The following DCPS variants were observed in gnomAD, a reference collection of about 807,000 sequenced individuals.
The protein encoded by DCPS is m7GpppX diphosphatase.
Under a neutral mutation model 34.7 loss-of-function variants are expected in DCPS, and 27 were observed. That is an observed-to-expected ratio of 0.78 (90% CI 0.57 to 1.07). The LOEUF is 1.07. Ranked by LOEUF, DCPS falls within the 50% of genes least tolerant of loss-of-function variation. The pLI, the probability that DCPS is intolerant of heterozygous loss-of-function variation, is 0.00. For synonymous variants in DCPS, 185 were observed against 185.7 expected (o/e 1.00, Z 0.03); for missense variants, 464 against 436.9 (o/e 1.06, Z -0.55).
chr11:126,347,249 A>C lies in DCPS; in HGVS notation c.*1636A>C, dbSNP rs1168738298. Among the ~76,000 whole-genome samples, 1 of 137,868 alleles carries C rather than the reference A, an allele frequency of 7.3e-6. No homozygotes were observed. The highest frequency in any genetic ancestry group is 2.7e-5 in the African/African-American group (1 of 36,890). 90.4% of individuals were successfully genotyped at this position (137,868 alleles called of 152,430 possible). ...TTTTTTTTTTTTTTTTTTTTGAGAC[A>C]ATCTCGCTCCATCACCCAGGCTGGA... On this transcript the variant is annotated 3_prime_UTR_variant, in exon 6 of 6. Coordinates refer to ENST00000263579, the MANE Select transcript of DCPS (RefSeq NM_014026.6). The surrounding 1 kb of genome is among the most constrained non-coding windows in gnomAD (Gnocchi z 4.2).
At chr11:126,324,493 C>T (rs772428360) in intron 2 of DCPS, among the ~76,000 whole-genome samples, 17 of 151,788 alleles carry the variant, frequency 1.1e-4, no homozygotes, top group Non-Finnish European at 2.2e-4. Flanking sequence ...CTCACTCTGT[C>T]CCCTAGGCTG....
chr11:126,328,053 G>A lies in DCPS; in HGVS notation c.377-3352G>A, dbSNP rs975218649. 3.9e-5 allele frequency among the ~76,000 whole-genome samples: 6 copies of A among 152,234 alleles called. No homozygotes were observed. Among genetic ancestry groups the A allele is most frequent in the South Asian group, 2.1e-4 (1 of 4,838 alleles). The stretch of plus-strand genomic sequence containing the variant: ...GATGAAGCGAGGAGCAGCGTGGCTC[G>A]TTGGGTAGGAGGGTCAGCTCGGCCG... On this transcript the variant is annotated intron_variant, in intron 2 of 5. Transcript: ENST00000263579. This position sits in a 1 kb window ranked among gnomAD's most constrained non-coding sequence, Gnocchi z 6.6.
At chr11:126,307,147 A>G (rs988125989) in intron 2 of DCPS, among the ~76,000 whole-genome samples, 14 of 151,964 alleles carry the variant, frequency 9.2e-5, no homozygotes, top group Admixed American at 2.6e-4. Flanking sequence ...CTCTCGGCCA[A>G]CATGGTGAAA....
chr11:126,338,844 C>T lies in DCPS; in HGVS notation c.636+445C>T, dbSNP rs1341071428. ...TGGTGACCAACCCAAGGCATCTCCT[C>T]CTCAGCCCGAGCTGTGGAGTAGCTT... On this transcript the variant is annotated intron_variant, in intron 4 of 5. Coordinates refer to ENST00000263579, the MANE Select transcript of DCPS (RefSeq NM_014026.6). The surrounding 1 kb of genome is among the most constrained non-coding windows in gnomAD (Gnocchi z 5.4). Among the ~76,000 whole-genome samples the T allele has an allele frequency of 2.0e-5, 3 of 152,210 alleles. No individual in the cohort carries two copies. Among genetic ancestry groups the T allele is most frequent in the African/African-American group, 7.2e-5 (3 of 41,452 alleles).
rs2135340068 is a variant in DCPS, at chr11:126,345,420, A to G, written c.821A>G (p.Tyr274Cys). 1 of 1,614,100 alleles carries G rather than the reference A, an allele frequency of 6.2e-7. No individual in the cohort carries two copies. The highest frequency in any genetic ancestry group is 2.2e-5 in the East Asian group (1 of 44,886). Residue 274 changes from tyrosine (Y) to cysteine (C), a missense_variant, in exon 6 of 6, where the codon TAC becomes TGC. By Grantham distance (194) the Tyr-to-Cys change is radical. Transcript: ENST00000263579. This position sits in a 1 kb window ranked among gnomAD's most constrained non-coding sequence, Gnocchi z 7.4. ...TACCTGCACTACCTGCCCTCCTACT[A>G]CCACCTGCATGTGCACTTCACCGCC... ...RVYLHYLPSY[Y>C]HLHVHFTALG...
chr11:126,318,504 A>T (rs1399165074), intron 2 of DCPS, among the ~76,000 whole-genome samples: 1 of 152,200 alleles, frequency 6.6e-6, no homozygotes, highest in Non-Finnish European at 1.5e-5. Context: ...AGAGGAGGAA[A>T]GAGAAAGCAG....
rs1381791046 is a variant in DCPS, at chr11:126,336,605, G to A, written c.523-1681G>A. ...GTGAATCAGGGACTGGCCGTGGGGA[G>A]GCCTGCTTATGGGGTGCGTTGGGGC... On this transcript the variant is annotated intron_variant, in intron 3 of 5. Coordinates refer to ENST00000263579, the MANE Select transcript of DCPS (RefSeq NM_014026.6). The surrounding 1 kb of genome is among the most constrained non-coding windows in gnomAD (Gnocchi z 6.3). 2 of 152,302 alleles carry A rather than the reference G, an allele frequency of 1.3e-5. No individual in the cohort carries two copies. The highest frequency in any genetic ancestry group is 2.9e-5 in the Non-Finnish European group (2 of 68,114). The allele number at this position is 152,302 out of a possible 1,614,324, so 9.4% of individuals were successfully genotyped here. A position where few individuals can be genotyped will look rare whatever the true frequency, so the allele number is the denominator to read the frequency against.
Position 126,319,283 on chromosome 11 carries a change from C to T in DCPS, c.377-12122C>T, listed in dbSNP as rs144286678. On this transcript the variant is annotated intron_variant, in intron 2 of 5. Transcript: ENST00000263579. The surrounding 1 kb of genome is among the most constrained non-coding windows in gnomAD (Gnocchi z 4.5). ...ACTTCCCCCTTCATGCCTCCCACCC[C>T]ATAATCTAACACTGCTATACTTGGT... Among the ~76,000 whole-genome samples, 4 of 152,254 alleles carry T rather than the reference C, an allele frequency of 2.6e-5. No homozygotes were observed. Among genetic ancestry groups the T allele is most frequent in the Admixed American group, 6.5e-5 (1 of 15,290 alleles).
In DCPS at chr11:126,338,440, C is replaced by T; in HGVS notation, c.636+41C>T. On this transcript the variant is annotated intron_variant, in intron 4 of 5. Coordinates refer to ENST00000263579, the MANE Select transcript of DCPS (RefSeq NM_014026.6). This position sits in a 1 kb window ranked among gnomAD's most constrained non-coding sequence, Gnocchi z 5.4. ...TGGAATGTCCTGATCTCTGGCCACC[C>T]TGCTGTAAGTGCTGGTCCTTCTGAC... 1 of 1,565,612 alleles carries T rather than the reference C, an allele frequency of 6.4e-7. No individual in the cohort carries two copies. Among genetic ancestry groups the T allele is most frequent in the Non-Finnish European group, 8.8e-7 (1 of 1,135,942 alleles).
In DCPS at chr11:126,332,140, G is replaced by T. The variant is rs992466691; in HGVS notation, c.522+590G>T. On this transcript the variant is annotated intron_variant, in intron 3 of 5. Coordinates refer to ENST00000263579, the MANE Select transcript of DCPS (RefSeq NM_014026.6). This position sits in a 1 kb window ranked among gnomAD's most constrained non-coding sequence, Gnocchi z 5.4. ...CGGCAAACCGGCCTGCAGGATCTCAGTCTCAGAGGAAAAACTCTTCCCTCA... is the reference window on the plus strand; with the variant it reads ...CGGCAAACCGGCCTGCAGGATCTCATTCTCAGAGGAAAAACTCTTCCCTCA... 6.6e-6 allele frequency among the ~76,000 whole-genome samples: 1 copy of T among 152,202 alleles called. No homozygotes were observed. Among genetic ancestry groups the T allele is most frequent in the African/African-American group, 2.4e-5 (1 of 41,454 alleles).
intron 2 of DCPS, among the ~76,000 whole-genome samples, chr11:126,318,636 C>T (rs941706877): frequency 5.3e-5 from 8 of 152,176 alleles, no homozygotes; most frequent in African/African-American, 7.2e-5. Context: ...GAGGACATGG[C>T]GGGTGGGCTT....
At position 126,328,460 on chromosome 11, in the gene DCPS, TGA is replaced by T. The variant is rs1187996604; in HGVS notation, c.377-2943_377-2942del. On this transcript the variant is annotated intron_variant, in intron 2 of 5. Transcript: ENST00000263579. This position sits in a 1 kb window ranked among gnomAD's most constrained non-coding sequence, Gnocchi z 6.6. ...GGAAAGGCAGGAGGATGGCAGGAAG[TGA>T]GCAGTTGGAAAATAAGCACCTGTGG... Among the ~76,000 whole-genome samples the T allele has an allele frequency of 6.6e-6, 1 of 151,922 alleles. No homozygotes were observed. The highest frequency in any genetic ancestry group is 1.5e-5 in the Non-Finnish European group (1 of 67,964).
At chr11:126,339,823 T>A (rs1033904500) in intron 4 of DCPS, among the ~76,000 whole-genome samples, 3 of 152,178 alleles carry the variant, frequency 2.0e-5, no homozygotes, top group Non-Finnish European at 2.9e-5. Context: ...GAGTGGTGGC[T>A]CTGCAAACCC....
chr11:126,341,299 C>T (rs1441583865), intron 4 of DCPS: 1 of 152,246 alleles, frequency 6.6e-6, no homozygotes, highest in African/African-American at 2.4e-5. Flanking sequence ...TATCTGTCTT[C>T]CCAGAGTGAC....
rs1325787861 is a variant in DCPS at position 126,346,399 on chromosome 11, C to T, written c.*786C>T. ...TATGGTTGCAGTTGAATACAAAAGCCCGGAGGCGGCTCGGGTTCAAGGCCT... is the reference window on the plus strand; with the variant it reads ...TATGGTTGCAGTTGAATACAAAAGCTCGGAGGCGGCTCGGGTTCAAGGCCT... On this transcript the variant is annotated 3_prime_UTR_variant, in exon 6 of 6. Transcript: ENST00000263579. The surrounding 1 kb of genome is among the most constrained non-coding windows in gnomAD (Gnocchi z 4.1). Among the ~76,000 whole-genome samples, 3 of 152,172 alleles carry T rather than the reference C, an allele frequency of 2.0e-5. No homozygotes were observed. Among genetic ancestry groups the T allele is most frequent in the African/African-American group, 7.2e-5 (3 of 41,448 alleles).
rs1465022631 is a variant in DCPS at position 126,332,025 on chromosome 11, CTG to C, written c.522+478_522+479del. 6.6e-6 allele frequency among the ~76,000 whole-genome samples: 1 copy of C among 152,182 alleles called. No individual in the cohort carries two copies. The highest frequency in any genetic ancestry group is 2.4e-5 in the African/African-American group (1 of 41,430). Reference sequence around the variant, plus strand: ...TAGCCTTGATCCAGCCTCGGGATGACTGTGCCATTGCTTTGGGTCCATGAATG... The same window carrying C: ...TAGCCTTGATCCAGCCTCGGGATGACTGCCATTGCTTTGGGTCCATGAATG... On this transcript the variant is annotated intron_variant, in intron 3 of 5. Transcript: ENST00000263579. The surrounding 1 kb of genome is among the most constrained non-coding windows in gnomAD (Gnocchi z 5.4).
Position 126,345,488 on chromosome 11 carries a change from C to CAGCCAGCG in DCPS, c.889_890insAGCCAGCG (p.Leu297GlnfsTer8). 2 of 1,614,170 alleles carry CAGCCAGCG rather than the reference C, an allele frequency of 1.2e-6. No homozygotes were observed. The highest frequency in any genetic ancestry group is 1.7e-6 in the Non-Finnish European group (2 of 1,180,032). ...CGGCTCAGGCGTGGAGCGGGCCCAC[C>CAGCCAGCG]TGCTGGCTGAGGTGATCGAGAACTT... is the stretch of plus-strand genomic sequence containing the variant. On this transcript the variant is annotated frameshift_variant, in exon 6 of 6. Transcript: ENST00000263579. LOFTEE classifies it high-confidence loss of function. The surrounding 1 kb of genome is among the most constrained non-coding windows in gnomAD (Gnocchi z 7.4).
chr11:126,314,564 C>T (rs970700247), intron 2 of DCPS, among the ~76,000 whole-genome samples: 1 of 151,926 alleles, frequency 6.6e-6, no homozygotes, highest in African/African-American at 2.4e-5. Flanking sequence ...GCACAACTTG[C>T]GATTGCAAAA....
Position 126,332,768 on chromosome 11 carries a change from G to GT in DCPS, c.522+1220dup, listed in dbSNP as rs966258207. Among the ~76,000 whole-genome samples the GT allele has an allele frequency of 6.7e-6, 1 of 150,176 alleles. No homozygotes were observed. Among genetic ancestry groups the GT allele is most frequent in the African/African-American group, 2.5e-5 (1 of 39,620 alleles). ...GCATCTGGCTCAAGCTGACTTGTTT[G>GT]TTGTTGTTGTTGTTGTTTGTTTGTT... On this transcript the variant is annotated intron_variant, in intron 3 of 5. Transcript: ENST00000263579. This position sits in a 1 kb window ranked among gnomAD's most constrained non-coding sequence, Gnocchi z 5.4.
Sources: gnomAD v4.1 joint callset for allele counts (sites outside exome capture counted in the v4.1 genomes callset) on GRCh38, gnomAD v4.1.1 for gene constraint, Gnocchi (gnomAD v3.1) non-coding constraint, MANE v1.5 for transcripts, NCBI Gene and HGNC (gene_info 2026-07-23, HGNC 2026-07-21) for gene names.